KCNJ6: variants seen among roughly 807,000 people sequenced by gnomAD.
KCNJ6 encodes G protein-activated inward rectifier potassium channel 2.
KCNJ6 carries 9 observed loss-of-function variants against 34.2 expected under a neutral mutation model. That is an observed-to-expected ratio of 0.26 (90% CI 0.16 to 0.46). The LOEUF (loss-of-function observed/expected upper bound fraction) is 0.46, where lower values mean the gene tolerates loss of function less well. KCNJ6 is among the 20% of genes least tolerant of loss of function. The pLI is 1.00. For missense variants in KCNJ6, 236 were observed against 531.3 expected (o/e 0.44, Z 5.46); for synonymous variants, 196 against 207.1 (o/e 0.95, Z 0.46).
At chr21:37,755,455 G>A (rs1345543564) in intron 2 of KCNJ6, among the ~76,000 whole-genome samples, 1 of 152,106 alleles carries the variant, frequency 6.6e-6, no homozygotes, top group African/African-American at 2.4e-5. Context: ...GTTTCATCTG[G>A]AATTCAAAGT....
At chr21:37,627,712 T>G (rs2054317618) in intron 3 of KCNJ6, among the ~76,000 whole-genome samples, 1 of 152,138 alleles carries the variant, frequency 6.6e-6, no homozygotes, top group South Asian at 2.1e-4. Flanking sequence ...CATGCATGTG[T>G]AAGGCTGTGC....
intron 2 of KCNJ6, among the ~76,000 whole-genome samples, chr21:37,821,815 T>A (rs572540506): frequency 6.6e-6 from 1 of 152,246 alleles, no homozygotes; most frequent in African/African-American, 2.4e-5. Flanking sequence ...CTTTATTTTA[T>A]CCAGAAAGAA....
At chr21:37,801,324 G>C (rs933191840) in intron 2 of KCNJ6, among the ~76,000 whole-genome samples, 12 of 152,194 alleles carry the variant, frequency 7.9e-5, no homozygotes, top group Non-Finnish European at 1.8e-4. Context: ...GGCTTCTGCA[G>C]AGCCCCTGCC....
chr21:37,683,137 C>T lies in KCNJ6; in HGVS notation c.946+31074G>A, dbSNP rs1441503366. Among the ~76,000 whole-genome samples, 9 of 152,220 alleles carry T rather than the reference C, an allele frequency of 5.9e-5. No individual in the cohort carries two copies. The East Asian group carries it at 1.7e-3, about 29-fold the overall frequency. On this transcript the variant is annotated intron_variant, in intron 3 of 3. Transcript: ENST00000609713. ...TGAATCATATTACCATCCTGATTTACATTATAATTTCTTCAGCTATGTATT... is the reference window on the plus strand; with the variant it reads ...TGAATCATATTACCATCCTGATTTATATTATAATTTCTTCAGCTATGTATT...
intron 2 of KCNJ6, among the ~76,000 whole-genome samples, chr21:37,761,934 T>C (rs921811533): frequency 1.3e-5 from 2 of 152,154 alleles, no homozygotes; most frequent in African/African-American, 4.8e-5. Flanking sequence ...CAGACCCTGA[T>C]AAGGTCCAGG....
chr21:37,614,187 G>A lies in KCNJ6; in HGVS notation c.*10972C>T, dbSNP rs2054252824. The A allele has an allele frequency of 1.3e-5, 2 of 152,166 alleles. No individual in the cohort carries two copies. The highest frequency in any genetic ancestry group is 2.9e-5 in the Non-Finnish European group (2 of 68,044). The allele number at this position is 152,166 out of a possible 1,614,324, so 9.4% of individuals were successfully genotyped here. A position where few individuals can be genotyped will look rare whatever the true frequency, so the allele number is the denominator to read the frequency against. ...GCAAAACCTGGTCTTCTGAATCCAGGGTTCCTACCAAACACTGGAAGAAAG... is the reference window on the plus strand; with the variant it reads ...GCAAAACCTGGTCTTCTGAATCCAGAGTTCCTACCAAACACTGGAAGAAAG... On this transcript the variant is annotated 3_prime_UTR_variant, in exon 4 of 4. Coordinates refer to ENST00000609713, the MANE Select transcript of KCNJ6 (RefSeq NM_002240.5).
intron 2 of KCNJ6, among the ~76,000 whole-genome samples, chr21:37,737,737 A>G (rs962792375): frequency 6.6e-6 from 1 of 152,134 alleles, no homozygotes; most frequent in Admixed American, 6.5e-5. Flanking sequence ...CAAGCCATGT[A>G]CTCTGGTTTG....
At chr21:37,753,091 A>G (rs2123484912) in intron 2 of KCNJ6, among the ~76,000 whole-genome samples, 1 of 152,310 alleles carries the variant, frequency 6.6e-6, no homozygotes, top group South Asian at 2.1e-4. Context: ...AGGGTGGGCG[A>G]GACGGCCGCA....
intron 1 of KCNJ6, among the ~76,000 whole-genome samples, chr21:37,883,719 T>A (rs143359733): frequency 6.6e-6 from 1 of 152,356 alleles, no homozygotes; most frequent in African/African-American, 2.4e-5. Flanking sequence ...TGGAAAGTCA[T>A]GTCACTACTC....
intron 2 of KCNJ6, among the ~76,000 whole-genome samples, chr21:37,746,367 G>T (rs1288345092): frequency 6.6e-6 from 1 of 152,160 alleles, no homozygotes; most frequent in Non-Finnish European, 1.5e-5. Flanking sequence ...GGTTGCAAGA[G>T]AGCCCACTTC....
chr21:37,798,717 C>T (rs1159053927), intron 2 of KCNJ6, among the ~76,000 whole-genome samples: 23 of 152,120 alleles, frequency 1.5e-4, no homozygotes, highest in Non-Finnish European at 2.2e-4. Flanking sequence ...TCTGTTGAGA[C>T]AGAAAGTAGA....
chr21:37,734,444 C>T (rs1372532076), intron 2 of KCNJ6, among the ~76,000 whole-genome samples: 2 of 152,054 alleles, frequency 1.3e-5, no homozygotes, highest in Non-Finnish European at 2.9e-5. Flanking sequence ...TCCAGTGGGC[C>T]CCCTCCAATC....
chr21:37,882,704 C>T lies in KCNJ6; in HGVS notation c.-28+33180G>A, dbSNP rs947230717. On this transcript the variant is annotated intron_variant, in intron 1 of 3. Coordinates refer to ENST00000609713, the MANE Select transcript of KCNJ6 (RefSeq NM_002240.5). Reference sequence around the variant, plus strand: ...CAGGGACACAGCAGGCCAGTCACCACGGGCACTTTTAGTGCATTTGCCATG... The same window carrying T: ...CAGGGACACAGCAGGCCAGTCACCATGGGCACTTTTAGTGCATTTGCCATG... Among the ~76,000 whole-genome samples the T allele has an allele frequency of 9.2e-5, 14 of 152,352 alleles. No homozygotes were observed. The South Asian group carries it at 1.2e-3, about 14-fold the overall frequency.
intron 2 of KCNJ6, among the ~76,000 whole-genome samples, chr21:37,784,639 C>A (rs1463918713): frequency 6.6e-6 from 1 of 152,080 alleles, no homozygotes; most frequent in Non-Finnish European, 1.5e-5. Flanking sequence ...TGCACTGAGT[C>A]GAAGTGAATG....
In KCNJ6 at chr21:37,623,237, G is replaced by A. The variant is rs1432125832; in HGVS notation, c.*1922C>T. ...AAGAGAGGCCCCGAGGTTATATTTA[G>A]GAGCCACTTTCCTTATCCTGGGACT... On this transcript the variant is annotated 3_prime_UTR_variant, in exon 4 of 4. Coordinates refer to ENST00000609713, the MANE Select transcript of KCNJ6 (RefSeq NM_002240.5). 2 of 152,238 alleles carry A rather than the reference G, an allele frequency of 1.3e-5. No individual in the cohort carries two copies. Among genetic ancestry groups the A allele is most frequent in the African/African-American group, 2.4e-5 (1 of 41,444 alleles). 9.4% of individuals were successfully genotyped at this position (152,238 alleles called of 1,614,324 possible).
At chr21:37,660,531 A>G (rs2054483412) in intron 3 of KCNJ6, among the ~76,000 whole-genome samples, 1 of 152,160 alleles carries the variant, frequency 6.6e-6, no homozygotes, top group Non-Finnish European at 1.5e-5. Flanking sequence ...TGCCCCTTCC[A>G]TTCCCTACTA....
intron 2 of KCNJ6, among the ~76,000 whole-genome samples, chr21:37,762,303 G>C (rs2055069354): frequency 6.6e-6 from 1 of 152,192 alleles, no homozygotes; most frequent in African/African-American, 2.4e-5. Context: ...GCTTCTTTGG[G>C]GTGGATGTAG....
In KCNJ6 at chr21:37,735,197, C is replaced by T. The variant is rs116988444; in HGVS notation, c.26-20066G>A. 2.8e-3 allele frequency among the ~76,000 whole-genome samples: 419 copies of T among 152,270 alleles called. 4 individuals are homozygous for T. Among genetic ancestry groups the T allele is most frequent in the South Asian group, 3.5e-3 (17 of 4,822 alleles). ...AAAGGAGAGTGACATATTACCCAAA[C>T]AGAGGAAGATTCTCTGACACAATGG... On this transcript the variant is annotated intron_variant, in intron 2 of 3. Coordinates refer to ENST00000609713, the MANE Select transcript of KCNJ6 (RefSeq NM_002240.5).
intron 2 of KCNJ6, among the ~76,000 whole-genome samples, chr21:37,737,824 C>T (rs1452104177): frequency 6.6e-6 from 1 of 152,214 alleles, no homozygotes; most frequent in Non-Finnish European, 1.5e-5. Flanking sequence ...CGTCTAGGAA[C>T]CCAAAGACAT....
Sources: gnomAD v4.1 joint callset for allele counts (sites outside exome capture counted in the v4.1 genomes callset) on GRCh38, gnomAD v4.1.1 for gene constraint, MANE v1.5 for transcripts, NCBI Gene and HGNC (gene_info 2026-07-23, HGNC 2026-07-21) for gene names.